EPB41L4B: variants seen among roughly 807,000 people sequenced by gnomAD.
EPB41L4B encodes band 4.1-like protein 4B.
Under a neutral mutation model 112.5 loss-of-function variants are expected in EPB41L4B, and 30 were observed. That is an observed-to-expected ratio of 0.27 (90% CI 0.20 to 0.36). EPB41L4B has a LOEUF of 0.36. EPB41L4B is among the 10% of genes least tolerant of loss of function. The pLI, the probability that EPB41L4B is intolerant of heterozygous loss-of-function variation, is 1.00. For missense variants in EPB41L4B, 1,024 were observed against 1,133.3 expected, an observed-to-expected ratio of 0.90 and a Z score of 1.38; for synonymous variants, 408 against 439.7, an observed-to-expected ratio of 0.93 and a Z score of 0.90.
At chr9:109,313,867 A>T (rs1837518354) in intron 1 of EPB41L4B, among the ~76,000 whole-genome samples, 1 of 151,584 alleles carries the variant, frequency 6.6e-6, no homozygotes, top group Admixed American at 6.6e-5. Context: ...TAAGTTCATC[A>T]TTTTAAAAAC....
intron 12 of EPB41L4B, 148 bp from the exon 13 acceptor site, chr9:109,251,659 C>T: frequency 4.0e-6 from 3 of 755,818 alleles, no homozygotes; most frequent in Admixed American, 1.9e-5. Flanking sequence ...GCTACTTCTC[C>T]TTTCCTCAGG....
intron 1 of EPB41L4B, among the ~76,000 whole-genome samples, chr9:109,308,488 G>A (rs1837300095): frequency 6.6e-6 from 1 of 152,220 alleles, no homozygotes; most frequent in South Asian, 2.1e-4. Context: ...TAGGTTAAGA[G>A]TCTTAGATAG....
chr9:109,278,803 T>C (rs532877642), intron 2 of EPB41L4B, among the ~76,000 whole-genome samples: 1 of 152,310 alleles, frequency 6.6e-6, no homozygotes, highest in East Asian at 1.9e-4. Context: ...ACTCCATAAA[T>C]AGATTTAGAT....
chr9:109,320,208 G>T lies in EPB41L4B; in HGVS notation c.239C>A (p.Ala80Asp), dbSNP rs1050164349. ...GCGGCAGTAGAGGGTGGCCTTGGCG[G>T]CGCCGGCGGCGGAGATGTGCACGGC... ...GAAVHISAAG[A>D]AKATLYCRVF... Residue 80 changes from alanine (A) to aspartate (D), a missense_variant, in exon 1 of 26, where the codon GCC becomes GAC. By Grantham distance (126) the Ala-to-Asp change is moderately radical (BLOSUM62 -2). Coordinates refer to ENST00000374566, the MANE Select transcript of EPB41L4B (RefSeq NM_019114.5). 2.1e-6 allele frequency: 3 copies of T among 1,432,512 alleles called. No homozygotes were observed. Among genetic ancestry groups the T allele is most frequent in the Non-Finnish European group, 2.8e-6 (3 of 1,088,308 alleles). 88.7% of individuals were successfully genotyped at this position (1,432,512 alleles called of 1,614,324 possible). A position where few individuals can be genotyped will look rare whatever the true frequency, so the allele number is the denominator to read the frequency against.
At chr9:109,217,369 A>G (rs1338429581) in intron 15 of EPB41L4B, among the ~76,000 whole-genome samples, 1 of 152,254 alleles carries the variant, frequency 6.6e-6, no homozygotes, top group Non-Finnish European at 1.5e-5. Context: ...AACTTAAAGA[A>G]GTATTTGAAA....
intron 2 of EPB41L4B, among the ~76,000 whole-genome samples, chr9:109,277,514 T>A (rs1429924499): frequency 6.6e-6 from 1 of 152,134 alleles, no homozygotes; most frequent in Non-Finnish European, 1.5e-5. Flanking sequence ...AATCTGGGGC[T>A]ACTGAGGCTC....
intron 22 of EPB41L4B, among the ~76,000 whole-genome samples, chr9:109,191,185 G>T (rs1438720352): frequency 1.3e-5 from 2 of 152,174 alleles, no homozygotes; most frequent in African/African-American, 2.4e-5. Context: ...GTGAGGTCAA[G>T]GCCCATGGTA....
At chr9:109,300,433 T>C (rs1303168297) in intron 1 of EPB41L4B, 1 of 152,122 alleles carries the variant, frequency 6.6e-6, no homozygotes, top group Non-Finnish European at 1.5e-5. Context: ...AACCCCACCA[T>C]CACAATCTTA....
At chr9:109,267,055 T>TAA (rs1044771776) in intron 4 of EPB41L4B, among the ~76,000 whole-genome samples, 3 of 152,254 alleles carry the variant, frequency 2.0e-5, no homozygotes, top group African/African-American at 7.2e-5. Context: ...ATAATTACTC[T>TAA]GTTTTTCTTA....
intron 1 of EPB41L4B, among the ~76,000 whole-genome samples, chr9:109,306,620 A>G (rs1202155058): frequency 6.8e-6 from 1 of 146,550 alleles, no homozygotes; most frequent in Non-Finnish European, 1.6e-5. Context: ...ACAAACAAAC[A>G]AACAAACAAA....
chr9:109,206,451 G>A (rs1248616395), intron 18 of EPB41L4B, among the ~76,000 whole-genome samples: 44 of 152,352 alleles, frequency 2.9e-4, no homozygotes, highest in Non-Finnish European at 1.3e-4. Flanking sequence ...CCAATGTGCT[G>A]AGGCTACAGG....
chr9:109,239,421 C>G (rs1834275315), intron 15 of EPB41L4B, among the ~76,000 whole-genome samples: 1 of 152,114 alleles, frequency 6.6e-6, no homozygotes, highest in Non-Finnish European at 1.5e-5. Flanking sequence ...TCCAAAAGTT[C>G]ACAGGACAGT....
intron 13 of EPB41L4B, among the ~76,000 whole-genome samples, chr9:109,249,687 A>C (rs539180215): frequency 2.0e-5 from 3 of 152,216 alleles, no homozygotes; most frequent in Non-Finnish European, 2.9e-5. Context: ...ACACCCCGAC[A>C]AGCTAAGAAA....
chr9:109,207,210 C>T (rs2118780605), intron 18 of EPB41L4B, among the ~76,000 whole-genome samples: 1 of 152,296 alleles, frequency 6.6e-6, no homozygotes, highest in East Asian at 1.9e-4. Context: ...AAAGTGTGGC[C>T]TGCAGTTGCT....
chr9:109,313,198 C>G (rs2119274433), intron 1 of EPB41L4B, among the ~76,000 whole-genome samples: 1 of 152,320 alleles, frequency 6.6e-6, no homozygotes, highest in Non-Finnish European at 1.5e-5. Context: ...AGACTGGGAG[C>G]TTAAGAAACA....
In EPB41L4B at chr9:109,320,258, G is replaced by T. The variant is rs994404663; in HGVS notation, c.189C>A (p.Gly63=). 2 of 1,214,198 alleles carry T rather than the reference G, an allele frequency of 1.6e-6. No homozygotes were observed. The highest frequency in any genetic ancestry group is 3.4e-5 in the East Asian group (1 of 29,524). 75.2% of individuals were successfully genotyped at this position (1,214,198 alleles called of 1,614,324 possible). A position where few individuals can be genotyped will look rare whatever the true frequency, so the allele number is the denominator to read the frequency against. Reference sequence around the variant, plus strand: ...CCGCGCCGCCGGTGAGCAGGGGCCCGCCGCCCGCCGGGAACACGCTGCCCC... The same window carrying T: ...CCGCGCCGCCGGTGAGCAGGGGCCCTCCGCCCGCCGGGAACACGCTGCCCC... The part of the protein sequence containing the change: ...APGGSVFPAG[G]GPLLTGGAAV... Residue 63 remains glycine, a synonymous_variant, in exon 1 of 26, where the codon GGC becomes GGA. Coordinates refer to ENST00000374566, the MANE Select transcript of EPB41L4B (RefSeq NM_019114.5).
rs548534188 is a variant in EPB41L4B at position 109,269,598 on chromosome 9, C to G, written c.412-1165G>C. ...CACCCAGCAGGCCCCTGTTAAGACT[C>G]TTGAGAAATAAATAAATATTAAATA... On this transcript the variant is annotated intron_variant, in intron 2 of 25. Coordinates refer to ENST00000374566, the MANE Select transcript of EPB41L4B (RefSeq NM_019114.5). Among the ~76,000 whole-genome samples the G allele has an allele frequency of 6.6e-5, 10 of 152,242 alleles. No homozygotes were observed. The South Asian group carries it at 2.1e-3, about 32-fold the overall frequency.
At chr9:109,177,971 T>G (rs1395105385) in intron 24 of EPB41L4B, among the ~76,000 whole-genome samples, 1 of 150,478 alleles carries the variant, frequency 6.6e-6, no homozygotes, top group Non-Finnish European at 1.5e-5. Flanking sequence ...CAGGCTGGAG[T>G]GCAGTTGGCA....
chr9:109,311,992 A>C (rs1308304099), intron 1 of EPB41L4B, among the ~76,000 whole-genome samples: 1 of 152,218 alleles, frequency 6.6e-6, no homozygotes, highest in African/African-American at 2.4e-5. Context: ...GGTGCTTTGC[A>C]TATCAACCTC....
Sources: allele counts gnomAD v4.1 joint callset (sites outside exome capture counted in the v4.1 genomes callset), GRCh38; gene constraint gnomAD v4.1.1; transcripts MANE v1.5; gene names NCBI Gene and HGNC (gene_info 2026-07-23, HGNC 2026-07-21).